Variants in ZNRF1 observed in about 807,000 individuals in gnomAD.
ZNRF1 encodes zinc and ring finger 1.
ZNRF1 carries 3 observed loss-of-function variants against 18.4 expected under a neutral mutation model. The observed-to-expected ratio is 0.16, with a 90% CI of 0.07 to 0.42. The LOEUF (loss-of-function observed/expected upper bound fraction) is 0.42, where lower values mean the gene tolerates loss of function less well. ZNRF1 is among the 10% of genes least tolerant of loss of function. ZNRF1 has a pLI of 0.99. For synonymous variants in ZNRF1, 157 were observed against 144.2 expected (o/e 1.09, Z -0.64); for missense variants, 310 against 329.8 (o/e 0.94, Z 0.47).
At position 75,025,107 on chromosome 16, in the gene ZNRF1, G is replaced by C. The variant is rs531309866; in HGVS notation, c.424+25012G>C. ...TTTTGAGACAGAGTTGCACTCTGTT[G>C]CCCAGGCTGGAGTGCAGTGGCGCCA... On this transcript the variant is annotated intron_variant, in intron 1 of 4. Coordinates refer to ENST00000335325, the MANE Select transcript of ZNRF1 (RefSeq NM_032268.5). Among the ~76,000 whole-genome samples the C allele has an allele frequency of 8.6e-5, 13 of 151,956 alleles. No individual in the cohort carries two copies. In the East Asian group the frequency reaches 2.5e-3, roughly 29 times the overall value.
chr16:75,089,897 A>G (rs975743551), intron 1 of ZNRF1, among the ~76,000 whole-genome samples: 2 of 152,170 alleles, frequency 1.3e-5, no homozygotes, highest in Admixed American at 6.5e-5. Flanking sequence ...TGATGCTATT[A>G]TAGGGATAAC....
chr16:75,083,901 G>GCAGGATTGGC (rs2145413601), intron 1 of ZNRF1, among the ~76,000 whole-genome samples: 1 of 152,288 alleles, frequency 6.6e-6, no homozygotes, highest in East Asian at 1.9e-4. Context: ...GGTGCCTGAG[G>GCAGGATTGGC]CAGGACTGGC....
intron 3 of ZNRF1, chr16:75,105,305 T>C: frequency 5.8e-6 from 1 of 172,438 alleles, no homozygotes; most frequent in South Asian, 1.3e-4. Context: ...GTGTACCCAC[T>C]GCCTTGCACT....
At chr16:75,072,701 A>C (rs982769700) in intron 1 of ZNRF1, among the ~76,000 whole-genome samples, 12 of 152,356 alleles carry the variant, frequency 7.9e-5, no homozygotes, top group South Asian at 2.1e-4. Context: ...GCAAGTGTCA[A>C]GTGTTAGAGC....
At chr16:75,104,431 C>T (rs776508390) in intron 2 of ZNRF1, 27 of 203,118 alleles carry the variant, frequency 1.3e-4, no homozygotes, top group African/African-American at 2.3e-4. Context: ...ACACTGGCTA[C>T]GTGTGTGTTT....
intron 1 of ZNRF1, among the ~76,000 whole-genome samples, chr16:75,057,201 T>C (rs1458426524): frequency 6.6e-6 from 1 of 152,206 alleles, no homozygotes; most frequent in Non-Finnish European, 1.5e-5. Context: ...ATGTCCCTGC[T>C]CCTTTGACTC....
At chr16:75,067,892 C>G (rs3169335) in intron 1 of ZNRF1, among the ~76,000 whole-genome samples, 113,495 of 152,028 alleles carry the variant, frequency 0.75, 44,444 homozygotes, top group Non-Finnish European at 0.87. Flanking sequence ...CCAGAACACT[C>G]TGAAAATTAA....
At chr16:75,021,406 A>AT (rs2145336352) in intron 1 of ZNRF1, among the ~76,000 whole-genome samples, 1 of 152,284 alleles carries the variant, frequency 6.6e-6, no homozygotes, top group African/African-American at 2.4e-5. Flanking sequence ...GCTTATTTGA[A>AT]TTCACTCACC....
intron 1 of ZNRF1, among the ~76,000 whole-genome samples, chr16:75,074,794 G>A (rs2035918131): frequency 6.6e-6 from 1 of 152,160 alleles, no homozygotes; most frequent in African/African-American, 2.4e-5. Context: ...TAGGCCCAGT[G>A]CAGTGGCTCA....
chr16:75,031,740 A>G (rs189982943), intron 1 of ZNRF1, among the ~76,000 whole-genome samples: 58 of 152,062 alleles, frequency 3.8e-4, no homozygotes, highest in Admixed American at 4.6e-4. Flanking sequence ...GAACTCAAGC[A>G]TTCTGCCCAT....
At chr16:75,051,699 G>C (rs1236802706) in intron 1 of ZNRF1, among the ~76,000 whole-genome samples, 1 of 152,062 alleles carries the variant, frequency 6.6e-6, no homozygotes, top group Non-Finnish European at 1.5e-5. Context: ...TGTATTTTTA[G>C]TAGATATGGG....
chr16:75,082,327 C>A (rs182312953), intron 1 of ZNRF1, among the ~76,000 whole-genome samples: 1 of 152,296 alleles, frequency 6.6e-6, no homozygotes, highest in South Asian at 2.1e-4. Context: ...GGAAGAGGAC[C>A]AATGAATGGC....
rs146253643 is a variant in ZNRF1 at position 75,090,416 on chromosome 16, CTG to C, written c.425-3152_425-3151del. Among the ~76,000 whole-genome samples the C allele has an allele frequency of 2.6e-5, 4 of 152,234 alleles. No homozygotes were observed. In the East Asian group the frequency reaches 5.8e-4, roughly 22 times the overall value. On this transcript the variant is annotated intron_variant, in intron 1 of 4. Transcript: ENST00000335325. ...CCTTTTTGTGGAGAACGGGGTCTCACTGTGTTGCCCGGGCAGGTCTCAAACTC... is the reference window on the plus strand; with the variant it reads ...CCTTTTTGTGGAGAACGGGGTCTCACTGTTGCCCGGGCAGGTCTCAAACTC...
intron 1 of ZNRF1, among the ~76,000 whole-genome samples, chr16:75,077,118 C>T (rs1285893769): frequency 6.6e-6 from 1 of 152,192 alleles, no homozygotes; most frequent in Non-Finnish European, 1.5e-5. Context: ...CCAGGCCGGG[C>T]ATGGTGGCTC....
intron 1 of ZNRF1, among the ~76,000 whole-genome samples, chr16:75,046,101 A>T (rs996563683): frequency 6.6e-6 from 1 of 151,334 alleles, no homozygotes; most frequent in Non-Finnish European, 1.5e-5. Context: ...ACGGGGTTTC[A>T]CCATGTTAAC....
At chr16:75,047,164 C>T (rs548586337) in intron 1 of ZNRF1, among the ~76,000 whole-genome samples, 1 of 152,192 alleles carries the variant, frequency 6.6e-6, no homozygotes, top group African/African-American at 2.4e-5. Context: ...ATAAATATAC[C>T]TCAACAGATT....
intron 1 of ZNRF1, among the ~76,000 whole-genome samples, chr16:75,020,958 A>G (rs557928688): frequency 6.6e-6 from 1 of 152,242 alleles, no homozygotes; most frequent in East Asian, 1.9e-4. Context: ...TTAAATCAAT[A>G]TCTCTACTCT....
intron 1 of ZNRF1, among the ~76,000 whole-genome samples, chr16:75,039,864 A>G (rs755024706): frequency 3.3e-5 from 5 of 152,208 alleles, no homozygotes; most frequent in Admixed American, 6.5e-5. Context: ...TTTTCACTGT[A>G]TATAGGAACC....
intron 1 of ZNRF1, among the ~76,000 whole-genome samples, chr16:75,088,405 A>G (rs563969384): frequency 6.4e-4 from 97 of 152,344 alleles, no homozygotes; most frequent in African/African-American, 2.3e-3. Context: ...CCAGTGCCAA[A>G]TGGAAAGCAG....
Sources: gnomAD v4.1 joint callset for allele counts (sites outside exome capture counted in the v4.1 genomes callset) on GRCh38, gnomAD v4.1.1 for gene constraint, MANE v1.5 for transcripts, NCBI Gene and HGNC (gene_info 2026-07-23, HGNC 2026-07-21) for gene names.